The following DPP10 variants were observed in gnomAD, a reference collection of about 807,000 sequenced individuals.
DPP10 encodes the protein inactive dipeptidyl peptidase 10.
DPP10 carries 33 observed loss-of-function variants against 120.9 expected under a neutral mutation model. The observed-to-expected ratio is 0.27, with a 90% CI of 0.21 to 0.37. DPP10 has a LOEUF of 0.37. DPP10 is among the 10% of genes least tolerant of loss of function. DPP10 has a pLI of 1.00. For missense variants in DPP10, 816 were observed against 942.8 expected (o/e 0.87, Z 1.76); for synonymous variants, 337 against 326.1 (o/e 1.03, Z -0.36).
intron 5 of DPP10, among the ~76,000 whole-genome samples, chr2:115,536,179 T>G (rs2078823760): frequency 6.6e-6 from 1 of 152,016 alleles, no homozygotes; most frequent in South Asian, 2.1e-4. Flanking sequence ...AAAACCACTG[T>G]TAATGTACTG....
intron 1 of DPP10, among the ~76,000 whole-genome samples, chr2:114,874,323 G>C (rs1025458338): frequency 6.6e-6 from 1 of 152,122 alleles, no homozygotes; most frequent in African/African-American, 2.4e-5. Flanking sequence ...GCCTTAAAAG[G>C]TATGTTTGAG....
chr2:115,126,050 A>T (rs2050067868), intron 1 of DPP10, among the ~76,000 whole-genome samples: 1 of 152,192 alleles, frequency 6.6e-6, no homozygotes, highest in East Asian at 1.9e-4. Flanking sequence ...TTTATCTTAT[A>T]TAATTTTGTT....
chr2:115,555,178 T>C (rs913480200), intron 5 of DPP10, among the ~76,000 whole-genome samples: 5 of 152,106 alleles, frequency 3.3e-5, no homozygotes, highest in African/African-American at 1.2e-4. Context: ...AGAGCAAAAA[T>C]TCATCTTCTA....
At chr2:114,641,425 C>T (rs995245839) in intron 1 of DPP10, among the ~76,000 whole-genome samples, 1 of 151,900 alleles carries the variant, frequency 6.6e-6, no homozygotes, top group Non-Finnish European at 1.5e-5. Context: ...ACGAATGGTG[C>T]TGCAAACCTA....
Position 115,010,736 on chromosome 2 carries a change from T to C in DPP10, c.61-298503T>C, listed in dbSNP as rs1281590406. On this transcript the variant is annotated intron_variant, in intron 1 of 25. Transcript: ENST00000410059. ...CATCATTTTATGAACAAAATGTCTA[T>C]TAATATAGGTTTAGTGAGTTCATGA... Among the ~76,000 whole-genome samples, 3 of 152,178 alleles carry C rather than the reference T, an allele frequency of 2.0e-5. No individual in the cohort carries two copies. The South Asian group carries it at 6.2e-4, about 32-fold the overall frequency.
intron 3 of DPP10, among the ~76,000 whole-genome samples, chr2:115,450,876 T>C (rs927710103): frequency 5.9e-5 from 9 of 151,954 alleles, no homozygotes; most frequent in African/African-American, 2.2e-4. Context: ...TTGTTATGAT[T>C]CTCAAAATAG....
At chr2:115,360,317 G>T (rs1428988962) in intron 3 of DPP10, among the ~76,000 whole-genome samples, 1 of 152,252 alleles carries the variant, frequency 6.6e-6, no homozygotes, top group East Asian at 1.9e-4. Flanking sequence ...GGGTGTGACT[G>T]TAGTGAATGT....
intron 1 of DPP10, among the ~76,000 whole-genome samples, chr2:115,257,562 C>A (rs896884938): frequency 6.6e-6 from 1 of 152,116 alleles, no homozygotes; most frequent in Non-Finnish European, 1.5e-5. Context: ...GTGAAAGATT[C>A]TTCCTTATGT....
chr2:115,284,341 C>T (rs2060279760), intron 1 of DPP10, among the ~76,000 whole-genome samples: 1 of 151,954 alleles, frequency 6.6e-6, no homozygotes, highest in African/African-American at 2.4e-5. Context: ...ACCAGTTCAA[C>T]AGAAAGGGCT....
At chr2:115,580,499 TCTCTG>T in intron 5 of DPP10, among the ~76,000 whole-genome samples, 1 of 57,788 alleles carries the variant, frequency 1.7e-5, no homozygotes, top group Admixed American at 2.0e-4. Flanking sequence ...ATAATAATCC[TCTCTG>T]TCTCTGTGAC....
chr2:115,749,937 A>C, intron 10 of DPP10: 1 of 969,186 alleles, frequency 1.0e-6, no homozygotes, highest in Non-Finnish European at 1.2e-6. Flanking sequence ...AGCTGATAGA[A>C]AGTCTGTTGA....
intron 1 of DPP10, among the ~76,000 whole-genome samples, chr2:114,626,615 A>C (rs889098460): frequency 6.6e-6 from 1 of 152,068 alleles, no homozygotes; most frequent in Non-Finnish European, 1.5e-5. Flanking sequence ...ATCTAGAAGC[A>C]GATCTAGTTT....
chr2:115,479,805 G>A (rs1249579173), intron 3 of DPP10, among the ~76,000 whole-genome samples: 1 of 152,098 alleles, frequency 6.6e-6, no homozygotes, highest in African/African-American at 2.4e-5. Context: ...CAGTCTGGTA[G>A]AGACTAGCTC....
chr2:114,832,360 C>T (rs1247354047), intron 1 of DPP10, among the ~76,000 whole-genome samples: 4 of 152,044 alleles, frequency 2.6e-5, no homozygotes, highest in East Asian at 3.9e-4. Context: ...GGTGAAACAC[C>T]GCCTCTACTA....
intron 19 of DPP10, among the ~76,000 whole-genome samples, chr2:115,802,064 G>C (rs1350910142): frequency 1.3e-5 from 2 of 152,032 alleles, no homozygotes; most frequent in Non-Finnish European, 2.9e-5. Context: ...ATCTGGTCCT[G>C]GACTTTTTTT....
At chr2:115,316,431 A>G (rs1559410631) in intron 2 of DPP10, among the ~76,000 whole-genome samples, 1 of 152,318 alleles carries the variant, frequency 6.6e-6, no homozygotes, top group African/African-American at 2.4e-5. Flanking sequence ...GTAATTAGTA[A>G]ACTAATTCTA....
At chr2:114,542,049 C>CTT (rs34131903) in intron 1 of DPP10, among the ~76,000 whole-genome samples, 4 of 141,574 alleles carry the variant, frequency 2.8e-5, no homozygotes, top group Admixed American at 7.3e-5. Flanking sequence ...TCTTTCTTTC[C>CTT]TTTTTTTTTT....
intron 5 of DPP10, among the ~76,000 whole-genome samples, chr2:115,610,490 A>AGC: frequency 3.2e-5 from 1 of 31,212 alleles, no homozygotes; most frequent in Admixed American, 4.2e-4. Context: ...AAGCAGTATG[A>AGC]GTGTGTGTGT....
At chr2:115,165,319 TAGCC>T (rs1559170953) in intron 1 of DPP10, among the ~76,000 whole-genome samples, 1 of 152,216 alleles carries the variant, frequency 6.6e-6, no homozygotes, top group Admixed American at 6.5e-5. Flanking sequence ...AAGTGAGACT[TAGCC>T]AGGAACTCAT....
Sources: gnomAD v4.1 joint callset for allele counts (sites outside exome capture counted in the v4.1 genomes callset) on GRCh38, gnomAD v4.1.1 for gene constraint, MANE v1.5 for transcripts, NCBI Gene and HGNC (gene_info 2026-07-23, HGNC 2026-07-21) for gene names.